ROS1: variants seen among roughly 807,000 people sequenced by gnomAD.
The protein encoded by ROS1 is proto-oncogene tyrosine-protein kinase ROS.
ROS1 carries 263 observed loss-of-function variants against 273.5 expected under a neutral mutation model. The ratio of observed to expected loss-of-function variants is 0.96; its 90% CI spans 0.87 to 1.06. The LOEUF is 1.06. Among genes scored for constraint, ROS1 ranks in the 50% least tolerant of loss-of-function variants. ROS1 has a pLI of 0.00. For missense variants in ROS1, 2,833 were observed against 2,751.1 expected (o/e 1.03, Z -0.67); for synonymous variants, 1,008 against 954.1 (o/e 1.06, Z -1.04).
At chr6:117,373,910 G>T (rs1781096713) in intron 18 of ROS1, among the ~76,000 whole-genome samples, 1 of 152,212 alleles carries the variant, frequency 6.6e-6, no homozygotes, top group East Asian at 1.9e-4. Context: ...TACAATAGCT[G>T]CAAAAATATA....
chr6:117,373,579 G>T (rs924859047), intron 18 of ROS1, among the ~76,000 whole-genome samples: 1 of 152,354 alleles, frequency 6.6e-6, no homozygotes, highest in East Asian at 1.9e-4. Context: ...GCCGCTCTGA[G>T]TGCGGGGCCC....
Position 117,326,331 on chromosome 6 carries a change from C to T in ROS1, c.5432G>A (p.Trp1811Ter), listed in dbSNP as rs1325118655. ...FNGSCSSVCT[W>*]KSKNLKGIFQ... is the part of the protein sequence containing the mutation. ...TATTCCTTTCAGGTTTTTGGACTTCCATGTGCAAACACTACTGCAGGATCC... is the reference window on the plus strand; with the variant it reads ...TATTCCTTTCAGGTTTTTGGACTTCTATGTGCAAACACTACTGCAGGATCC... The change falls in exon 34 of 44, where the codon TGG (tryptophan) becomes TAG (stop). Residue 1811 changes from tryptophan to a stop codon, truncating the protein, a stop_gained. Transcript: ENST00000368507. LOFTEE classifies it high-confidence loss of function. 1 of 1,601,064 alleles carries T rather than the reference C, an allele frequency of 6.2e-7. No individual in the cohort carries two copies. The highest frequency in any genetic ancestry group is 1.3e-5 in the African/African-American group (1 of 74,098).
intron 20 of ROS1, 92 bp from the exon 21 acceptor site, chr6:117,365,296 C>T: frequency 7.5e-7 from 1 of 1,340,048 alleles, no homozygotes; most frequent in Non-Finnish European, 1.0e-6. Context: ...CTTTAGTTCA[C>T]ATGTAAAATC....
chr6:117,317,896 T>C (rs909395427), intron 38 of ROS1, among the ~76,000 whole-genome samples: 1 of 152,174 alleles, frequency 6.6e-6, no homozygotes, highest in African/African-American at 2.4e-5. Context: ...ATCACACATT[T>C]AGATGAATAC....
chr6:117,312,691 T>G (rs961043479), intron 39 of ROS1, among the ~76,000 whole-genome samples: 1 of 152,054 alleles, frequency 6.6e-6, no homozygotes, highest in African/African-American at 2.4e-5. Context: ...TCTCTGACTA[T>G]TCTCTCTTTC....
chr6:117,303,337 C>G (rs1774877982), intron 42 of ROS1, among the ~76,000 whole-genome samples: 1 of 152,148 alleles, frequency 6.6e-6, no homozygotes, highest in Non-Finnish European at 1.5e-5. Flanking sequence ...AACACGAGTT[C>G]TAATAGACAT....
chr6:117,332,181 A>AG (rs775473010), intron 32 of ROS1, among the ~76,000 whole-genome samples: 43 of 151,042 alleles, frequency 2.8e-4, no homozygotes, highest in Middle Eastern at 3.4e-3. Flanking sequence ...AAAAAAAAAA[A>AG]GAGGGTTGCA....
chr6:117,399,590 T>TA (rs1307711451), intron 7 of ROS1, among the ~76,000 whole-genome samples: 3 of 152,154 alleles, frequency 2.0e-5, no homozygotes, highest in Non-Finnish European at 2.9e-5. Context: ...AGCTGAGGGT[T>TA]AGGGCATCCA....
At chr6:117,423,145 T>C (rs1354680573) in intron 1 of ROS1, among the ~76,000 whole-genome samples, 1 of 152,066 alleles carries the variant, frequency 6.6e-6, no homozygotes, top group East Asian at 1.9e-4. Flanking sequence ...TACAATGGGC[T>C]TTGGGGACTT....
chr6:117,390,137 AT>A (rs1772943999), intron 12 of ROS1, among the ~76,000 whole-genome samples: 1 of 152,106 alleles, frequency 6.6e-6, no homozygotes, highest in African/African-American at 2.4e-5. Context: ...AGGGTCTTTT[AT>A]TTTTTTGAGA....
At chr6:117,315,161 T>C (rs906483694) in intron 39 of ROS1, among the ~76,000 whole-genome samples, 4 of 152,076 alleles carry the variant, frequency 2.6e-5, no homozygotes, top group Non-Finnish European at 5.9e-5. Flanking sequence ...TTAACAAAAA[T>C]TTTTAATTCT....
chr6:117,337,920 C>T (rs1777596252), intron 31 of ROS1, among the ~76,000 whole-genome samples: 1 of 151,834 alleles, frequency 6.6e-6, no homozygotes, highest in South Asian at 2.1e-4. Flanking sequence ...AAATTTTGCC[C>T]ACTATTATGA....
At chr6:117,307,425 A>G (rs1321728705) in intron 42 of ROS1, among the ~76,000 whole-genome samples, 1 of 152,186 alleles carries the variant, frequency 6.6e-6, no homozygotes, top group East Asian at 1.9e-4. Flanking sequence ...GGTGTAAGAG[A>G]TGCAAAACAG....
intron 20 of ROS1, 44 bp downstream of exon 20, chr6:117,365,537 A>G: frequency 6.7e-7 from 1 of 1,495,098 alleles, no homozygotes. Context: ...CACAGATGGT[A>G]CAGTCTGTTT....
chr6:117,372,271 A>G (rs1361469715), intron 18 of ROS1, among the ~76,000 whole-genome samples: 1 of 152,194 alleles, frequency 6.6e-6, no homozygotes. Context: ...AAAAAGAAAG[A>G]AAGGGCATCC....
intron 42 of ROS1, among the ~76,000 whole-genome samples, chr6:117,305,078 G>T (rs187399325): frequency 1.3e-5 from 2 of 152,150 alleles, no homozygotes; most frequent in Non-Finnish European, 2.9e-5. Context: ...AAATTACCCA[G>T]GTTCTTTATA....
intron 4 of ROS1, among the ~76,000 whole-genome samples, chr6:117,413,449 T>C (rs893845211): frequency 3.9e-5 from 6 of 152,126 alleles, no homozygotes; most frequent in Admixed American, 1.3e-4. Flanking sequence ...TCATCTATTG[T>C]CAAATAACCT....
At chr6:117,352,870 G>T in intron 27 of ROS1, 120 bp downstream of exon 27, 1 of 834,526 alleles carries the variant, frequency 1.2e-6, no homozygotes, top group Non-Finnish European at 1.9e-6. Flanking sequence ...AGCAGAGTTT[G>T]GAGCAAGGAT....
At chr6:117,388,589 C>A (rs1772786941) in intron 13 of ROS1, among the ~76,000 whole-genome samples, 1 of 152,164 alleles carries the variant, frequency 6.6e-6, no homozygotes, top group Non-Finnish European at 1.5e-5. Flanking sequence ...TGGAACACAG[C>A]CACAGTTATT....
Sources: allele counts gnomAD v4.1 joint callset (sites outside exome capture counted in the v4.1 genomes callset), GRCh38; gene constraint gnomAD v4.1.1; transcripts MANE v1.5; gene names NCBI Gene and HGNC (gene_info 2026-07-23, HGNC 2026-07-21).